Variants in TLE5 observed in about 807,000 individuals in gnomAD.
TLE5 encodes the protein TLE family member 5.
A neutral mutation model predicts 25.8 loss-of-function variants in TLE5; 7 were observed. The ratio of observed to expected loss-of-function variants is 0.27; its 90% CI spans 0.15 to 0.51. The LOEUF (loss-of-function observed/expected upper bound fraction) is 0.51, where lower values mean the gene tolerates loss of function less well. Among genes scored for constraint, TLE5 ranks in the 20% least tolerant of loss-of-function variants. The pLI is 0.97. For missense variants in TLE5, 149 were observed against 250.7 expected (o/e 0.59, Z 2.74); for synonymous variants, 132 against 110.5 (o/e 1.20, Z -1.22).
chr19:3,055,464 C>G (rs1259290286), intron 5 of TLE5, 200 bp downstream of exon 5: 2 of 402,140 alleles, frequency 5.0e-6, no homozygotes, highest in Non-Finnish European at 8.7e-6. Context: ...CCGCCCCCCA[C>G]ACGCCTGCAC....
At position 3,056,309 on chromosome 19, in the gene TLE5, T is replaced by G; in HGVS notation, c.234+3A>C. On this transcript the variant is annotated splice_donor_region_variant and intron_variant, in intron 4 of 6. Coordinates refer to ENST00000327141, the MANE Select transcript of TLE5 (RefSeq NM_001130.6). ...GAGGAGGAGGAGGAGGAGATGGGCG[T>G]ACCTGTTTGTGCATCTCGATGTTCA... 1 of 1,461,326 alleles carries G rather than the reference T, an allele frequency of 6.8e-7. No homozygotes were observed. Among genetic ancestry groups the G allele is most frequent in the Non-Finnish European group, 9.1e-7 (1 of 1,095,968 alleles). The allele number at this position is 1,461,326 out of a possible 1,614,324, so 90.5% of individuals were successfully genotyped here.
intron 6 of TLE5, 33 bp downstream of exon 6, chr19:3,054,087 C>CGGGGGGCG: frequency 6.8e-7 from 1 of 1,476,438 alleles, no homozygotes; most frequent in Non-Finnish European, 9.2e-7. Context: ...GCCCACCTGT[C>CGGGGGGCG]CCCCGCCCAC....
chr19:3,057,148 G>A (rs943268402), intron 3 of TLE5, among the ~76,000 whole-genome samples: 3 of 152,206 alleles, frequency 2.0e-5, no homozygotes, highest in Non-Finnish European at 4.4e-5. Context: ...GGGTAAGGGA[G>A]GGGATTTTTG....
At chr19:3,054,400 CAG>C in intron 5 of TLE5, 2 of 599,656 alleles carry the variant, frequency 3.3e-6, no homozygotes, top group East Asian at 5.5e-5. Flanking sequence ...GTCTGGCCAA[CAG>C]AGACAAATGG....
chr19:3,054,456 A>G, intron 5 of TLE5: 2 of 574,880 alleles, frequency 3.5e-6, no homozygotes, highest in South Asian at 4.1e-5. Context: ...CTAAGTAGTT[A>G]GGAAACAGCT....
chr19:3,054,168 A>G lies in TLE5; in HGVS notation c.324T>C (p.Ile108=). ...QEHQQQVLGA[I]ERAKQVTAPE... The stretch of plus-strand genomic sequence containing the variant: ...GAGCGGTGACCTGCTTGGCCCTCTC[A>G]ATGGCTCCCAAGACCTGCTGCTGGT... The change falls in exon 6 of 7, where the codon ATT becomes ATC. Residue 108 remains isoleucine (I), a synonymous_variant. Transcript: ENST00000327141. 2 of 1,585,160 alleles carry G rather than the reference A, an allele frequency of 1.3e-6. No individual in the cohort carries two copies. Among genetic ancestry groups the G allele is most frequent in the South Asian group, 2.2e-5 (2 of 89,888 alleles).
At chr19:3,054,086 T>TGGGGGGGGGGGGCGCCCCCCCC in intron 6 of TLE5, 34 bp downstream of exon 6, 1 of 1,512,818 alleles carries the variant, frequency 6.6e-7, no homozygotes, top group Non-Finnish European at 8.9e-7. Context: ...GGCCCACCTG[T>TGGGGGGGGGGGGCGCCCCCCCC]CCCCCGCCCA....
In TLE5 at chr19:3,057,629, G is replaced by C. The variant is rs780153150; in HGVS notation, c.189+50C>G. 3.2e-6 allele frequency: 5 copies of C among 1,569,628 alleles called. 1 individual carries two copies. The highest frequency in any genetic ancestry group is 4.4e-6 in the Non-Finnish European group (5 of 1,140,912). ...TGCCCGTGGTGGAGGGGATGTGGAG[G>C]GCCCTGTCGCCCGCCCCCAACACTG... On this transcript the variant is annotated intron_variant, in intron 3 of 6. Transcript: ENST00000327141.
chr19:3,057,484 C>T, intron 3 of TLE5, 195 bp downstream of exon 3: 2 of 595,078 alleles, frequency 3.4e-6, no homozygotes, highest in Non-Finnish European at 5.9e-6. Context: ...ACCTCGGCCA[C>T]TGCCTCGGCC....
At position 3,059,793 on chromosome 19, in the gene TLE5, C is replaced by T. The variant is rs563333690; in HGVS notation, c.125+1367G>A. On this transcript the variant is annotated intron_variant, in intron 2 of 6. Coordinates refer to ENST00000327141, the MANE Select transcript of TLE5 (RefSeq NM_001130.6). ...CTTCCCTGTGGAATCAGGTCAGCCC[C>T]GGGGCTCACCAGGCGGTATCCAACC... Among the ~76,000 whole-genome samples the T allele has an allele frequency of 2.6e-5, 4 of 152,256 alleles. No homozygotes were observed. The East Asian group carries it at 5.8e-4, about 22-fold the overall frequency.
At chr19:3,060,334 T>C (rs1028332370) in intron 2 of TLE5, among the ~76,000 whole-genome samples, 10 of 132,432 alleles carry the variant, frequency 7.6e-5, no homozygotes, top group East Asian at 7.3e-4. Context: ...CTTTCTTTTT[T>C]TTTTTTTTTT....
intron 2 of TLE5, 194 bp downstream of exon 2, chr19:3,060,966 T>G: frequency 2.3e-6 from 1 of 434,442 alleles, no homozygotes; most frequent in Non-Finnish European, 4.3e-6. Context: ...ATTTAACTAT[T>G]TTTGTGCCTC....
intron 2 of TLE5, among the ~76,000 whole-genome samples, chr19:3,058,732 G>C (rs1249784348): frequency 6.6e-6 from 1 of 152,240 alleles, no homozygotes; most frequent in Non-Finnish European, 1.5e-5. Context: ...AGGGAAGAGA[G>C]CAGGCAGGAG....
intron 5 of TLE5, chr19:3,055,052 G>A (rs1293118285): frequency 1.3e-5 from 2 of 152,464 alleles, no homozygotes; most frequent in Non-Finnish European, 1.5e-5. Flanking sequence ...GGAGCTGGGC[G>A]TCAGGTTCAT....
At position 3,053,883 on chromosome 19, in the gene TLE5, T is replaced by A; in HGVS notation, c.530A>T (p.Lys177Met). The A allele has an allele frequency of 6.2e-7, 1 of 1,613,264 alleles. No individual in the cohort carries two copies. Among genetic ancestry groups the A allele is most frequent in the Non-Finnish European group, 8.5e-7 (1 of 1,179,980 alleles). The change falls in exon 7 of 7, where the codon AAG becomes ATG. Residue 177 changes from lysine to methionine, a missense_variant. Coordinates refer to ENST00000327141, the MANE Select transcript of TLE5 (RefSeq NM_001130.6). Reference sequence around the variant, plus strand: ...ACCATCGTGCCCGTTCTTGTCTTCCTTGGAGAGGTGGGCCTGGGAACCCAG... The same window carrying A: ...ACCATCGTGCCCGTTCTTGTCTTCCATGGAGAGGTGGGCCTGGGAACCCAG... Reference protein sequence around the residue: ...SALGSQAHLSKEDKNGHDGDT... With the variant: ...SALGSQAHLSMEDKNGHDGDT...
Position 3,054,019 on chromosome 19 carries a change from G to A in TLE5, c.394C>T (p.Leu132=), listed in dbSNP as rs916325537. The A allele has an allele frequency of 2.5e-6, 4 of 1,600,804 alleles. No homozygotes were observed. The African/African-American group carries it at 5.4e-5, about 21-fold the overall frequency. ...AGGGCCAGGGCCTGCAGCTGGGACA[G>A]CTGGTGGGCTTGGAGCTGCTGCTGC... ...IIRQQLQAHQ[L]SQLQALALPL... Residue 132 remains leucine, a synonymous_variant, in exon 7 of 7, where the codon CTG becomes TTG. Transcript: ENST00000327141.
chr19:3,062,586 G>T, upstream of TLE5: 1 of 949,178 alleles, frequency 1.1e-6, no homozygotes, highest in South Asian at 4.9e-5. Flanking sequence ...GCGCGCGCCC[G>T]GGGAGGCCTG....
intron 2 of TLE5, among the ~76,000 whole-genome samples, chr19:3,060,580 C>T (rs923334573): frequency 6.6e-6 from 1 of 152,108 alleles, no homozygotes; most frequent in South Asian, 2.1e-4. Context: ...GATCCACCTT[C>T]CTCGGCCTCC....
Position 3,062,479 on chromosome 19 carries a change from G to T in TLE5, c.-279C>A. ...CCGGCCCCACCGCTATTGTCTAATG[G>T]CGGCGACGCCGGCAGTGGCCGCGGC... On this transcript the variant is annotated 5_prime_UTR_variant, in exon 1 of 7. Transcript: ENST00000327141. 1 of 639,938 alleles carries T rather than the reference G, an allele frequency of 1.6e-6. No homozygotes were observed. Among genetic ancestry groups the T allele is most frequent in the Non-Finnish European group, 1.9e-6 (1 of 517,392 alleles). The allele number at this position is 639,938 out of a possible 1,614,324, so 39.6% of individuals were successfully genotyped here.
Sources: allele counts gnomAD v4.1 joint callset (sites outside exome capture counted in the v4.1 genomes callset), GRCh38; gene constraint gnomAD v4.1.1; transcripts MANE v1.5; gene names NCBI Gene and HGNC (gene_info 2026-07-23, HGNC 2026-07-21).